CORO2B: variants seen among roughly 807,000 people sequenced by gnomAD.
The protein encoded by CORO2B is coronin 2B, also known as coronin-2B.
Under a neutral mutation model 58.8 loss-of-function variants are expected in CORO2B, and 26 were observed. The ratio of observed to expected loss-of-function variants is 0.44; its 90% CI spans 0.32 to 0.61. The LOEUF (loss-of-function observed/expected upper bound fraction) is 0.61, where lower values mean the gene tolerates loss of function less well. Ranked by LOEUF, CORO2B falls within the 20% of genes least tolerant of loss-of-function variation. The pLI is 0.04. For missense variants in CORO2B, 460 were observed against 645.1 expected, an observed-to-expected ratio of 0.71 and a Z score of 3.11; for synonymous variants, 242 against 253.8, an observed-to-expected ratio of 0.95 and a Z score of 0.44.
chr15:68,597,004 C>T (rs181751093), intron 1 of CORO2B, among the ~76,000 whole-genome samples: 79 of 152,346 alleles, frequency 5.2e-4, no homozygotes, highest in Non-Finnish European at 9.1e-4. Context: ...CGCAGAAGTC[C>T]TCAGGGACCG....
In CORO2B at chr15:68,602,407, TCACACA is replaced by T. The variant is rs370587519; in HGVS notation, c.15+23168_15+23173del. Among the ~76,000 whole-genome samples the T allele has an allele frequency of 5.0e-3, 696 of 139,034 alleles. 4 individuals are homozygous for T. The highest frequency in any genetic ancestry group is 0.014 in the African/African-American group (511 of 37,638). The allele number at this position is 139,034 out of a possible 152,430, so 91.2% of individuals were successfully genotyped here. On this transcript the variant is annotated intron_variant, in intron 1 of 11. Coordinates refer to ENST00000261861, the MANE Select transcript of CORO2B (RefSeq NM_006091.5). The stretch of plus-strand genomic sequence containing the variant: ...TGGTCCTGCCCAAATTAGGGGCTGA[TCACACA>T]CACACACACACACACACACACACAC...
chr15:68,525,678 A>G, the CORO2B span, among the ~76,000 whole-genome samples: 1 of 152,190 alleles, frequency 6.6e-6, no homozygotes, highest in Non-Finnish European at 1.5e-5. Flanking sequence ...AAAATTATCA[A>G]CTTTGTTTAC....
chr15:68,664,651 A>G (rs1193558924), intron 2 of CORO2B, among the ~76,000 whole-genome samples: 1 of 152,172 alleles, frequency 6.6e-6, no homozygotes. Context: ...TGTCTCAAAA[A>G]AAAACCAAAA....
chr15:68,664,633 C>T (rs1203784765), intron 2 of CORO2B, among the ~76,000 whole-genome samples: 3 of 151,756 alleles, frequency 2.0e-5, no homozygotes, highest in East Asian at 1.9e-4. Flanking sequence ...AGGGACAGAG[C>T]GAGACTCTGT....
intron 2 of CORO2B, among the ~76,000 whole-genome samples, chr15:68,673,625 G>A (rs66691901): frequency 0.19 from 28,832 of 152,028 alleles, 3,145 homozygotes; most frequent in Non-Finnish European, 0.24. Context: ...ATCACTTAAG[G>A]TCAGGAGTTC....
At chr15:68,559,033 G>C in the CORO2B span, among the ~76,000 whole-genome samples, 1 of 152,182 alleles carries the variant, frequency 6.6e-6, no homozygotes, top group Admixed American at 6.5e-5. This position sits in a 1 kb window ranked among gnomAD's most constrained non-coding sequence, Gnocchi z 4.3. Flanking sequence ...AAATATGTTC[G>C]GAGATCCTAC....
intron 3 of CORO2B, among the ~76,000 whole-genome samples, chr15:68,698,202 T>C (rs936301887): frequency 1.3e-5 from 2 of 152,222 alleles, no homozygotes; most frequent in African/African-American, 4.8e-5. Flanking sequence ...GCAAAGCCCA[T>C]GCTCTGCCAA....
chr15:68,540,465 C>T, the CORO2B span, among the ~76,000 whole-genome samples: 3 of 152,266 alleles, frequency 2.0e-5, no homozygotes, highest in East Asian at 5.8e-4. Context: ...TAATGTCTGC[C>T]AAATACACAA....
intron 1 of CORO2B, among the ~76,000 whole-genome samples, chr15:68,585,484 G>C (rs970069794): frequency 1.8e-4 from 28 of 152,300 alleles, no homozygotes; most frequent in African/African-American, 6.5e-4. Flanking sequence ...AGGAGAGTGA[G>C]GCTTAGTGAG....
At chr15:68,540,672 G>C in the CORO2B span, among the ~76,000 whole-genome samples, 1 of 152,154 alleles carries the variant, frequency 6.6e-6, no homozygotes, top group Admixed American at 6.5e-5. Context: ...AAGTACTTAA[G>C]GGTCAATATT....
chr15:68,688,958 A>C (rs1366427550), intron 2 of CORO2B, among the ~76,000 whole-genome samples: 1 of 151,278 alleles, frequency 6.6e-6, no homozygotes, highest in Non-Finnish European at 1.5e-5. Context: ...ATCAGGTTGT[A>C]TCTCAAAGAC....
the CORO2B span, among the ~76,000 whole-genome samples, chr15:68,544,816 G>A: frequency 6.8e-6 from 1 of 146,704 alleles, no homozygotes; most frequent in African/African-American, 2.6e-5. Flanking sequence ...TCGCTCTGTC[G>A]CCCAGGCTGG....
chr15:68,530,032 T>C, the CORO2B span, among the ~76,000 whole-genome samples: 1 of 152,150 alleles, frequency 6.6e-6, no homozygotes, highest in Non-Finnish European at 1.5e-5. Context: ...TCCTTAAAAA[T>C]ATGCTGAGAC....
chr15:68,660,251 T>C (rs887621517), intron 2 of CORO2B, among the ~76,000 whole-genome samples: 1 of 152,234 alleles, frequency 6.6e-6, no homozygotes, highest in African/African-American at 2.4e-5. Flanking sequence ...TGTTTGCTGG[T>C]GCTGCTTCTT....
At chr15:68,623,718 G>C (rs780820813) in intron 1 of CORO2B, among the ~76,000 whole-genome samples, 28 of 152,208 alleles carry the variant, frequency 1.8e-4, no homozygotes, top group Non-Finnish European at 3.2e-4. Context: ...CAGCGGGTGG[G>C]AGGGCAGGCA....
intron 2 of CORO2B, among the ~76,000 whole-genome samples, chr15:68,657,386 A>G (rs1202701320): frequency 6.6e-6 from 1 of 151,978 alleles, no homozygotes; most frequent in Non-Finnish European, 1.5e-5. Flanking sequence ...GTGTGGTGGC[A>G]TATGCTAGTA....
chr15:68,563,707 T>G, the CORO2B span, among the ~76,000 whole-genome samples: 1 of 151,966 alleles, frequency 6.6e-6, no homozygotes, highest in Non-Finnish European at 1.5e-5. Context: ...TTGGGGACAA[T>G]ACTACCAACC....
chr15:68,562,657 G>A, the CORO2B span, among the ~76,000 whole-genome samples: 1 of 152,124 alleles, frequency 6.6e-6, no homozygotes, highest in African/African-American at 2.4e-5. Context: ...CAAGAGAAAT[G>A]AGAAAATTAT....
intron 2 of CORO2B, among the ~76,000 whole-genome samples, chr15:68,694,417 C>T (rs1009014093): frequency 1.3e-5 from 2 of 152,158 alleles, no homozygotes; most frequent in Non-Finnish European, 2.9e-5. Flanking sequence ...ATTAACTTTC[C>T]TAAGGCCACA....
Sources: allele counts gnomAD v4.1 joint callset (sites outside exome capture counted in the v4.1 genomes callset), GRCh38; gene constraint gnomAD v4.1.1; non-coding constraint Gnocchi (gnomAD v3.1); transcripts MANE v1.5; gene names NCBI Gene and HGNC (gene_info 2026-07-23, HGNC 2026-07-21).